DISC1: variants seen among roughly 807,000 people sequenced by gnomAD.
DISC1 encodes disrupted in schizophrenia 1 protein.
DISC1 carries 57 observed loss-of-function variants against 84.5 expected under a neutral mutation model. The ratio of observed to expected loss-of-function variants is 0.67; its 90% CI spans 0.55 to 0.84. DISC1 has a LOEUF of 0.84. Among genes scored for constraint, DISC1 ranks in the 40% least tolerant of loss-of-function variants. The pLI, the probability that DISC1 is intolerant of heterozygous loss-of-function variation, is 0.00. For missense variants in DISC1, 1,000 were observed against 1,057.8 expected, an observed-to-expected ratio of 0.95 and a Z score of 0.76; for synonymous variants, 411 against 415.2, an observed-to-expected ratio of 0.99 and a Z score of 0.12.
chr1:231,886,815 CTTTCTTTCT>C (rs2086782620), intron 9 of DISC1, among the ~76,000 whole-genome samples: 1 of 137,916 alleles, frequency 7.3e-6, no homozygotes, highest in African/African-American at 2.7e-5. Flanking sequence ...TTCTTTCTTT[CTTTCTTTCT>C]TTCTTTCTTT....
In DISC1 at chr1:231,775,123, C is replaced by T. The variant is rs1002615870; in HGVS notation, c.1634+4053C>T. On this transcript the variant is annotated intron_variant, in intron 6 of 12. Transcript: ENST00000439617. ...TTACAAAACCTAGAGAAACAGATCA[C>T]TCAACATCACGACTGTTATCATCAT... is the stretch of plus-strand genomic sequence containing the variant. 2.0e-5 allele frequency among the ~76,000 whole-genome samples: 3 copies of T among 152,192 alleles called. No individual in the cohort carries two copies. In the South Asian group the frequency reaches 6.2e-4, roughly 31 times the overall value.
At chr1:231,774,488 C>T (rs200636268) in intron 6 of DISC1, 1 of 333,008 alleles carries the variant, frequency 3.0e-6, no homozygotes, top group Non-Finnish European at 6.0e-6. Context: ...CACCCTGAGA[C>T]ATCCTCATTA....
In DISC1 at chr1:231,678,897, C is replaced by T. The variant is rs570779033; in HGVS notation, c.68-14929C>T. 2.2e-3 allele frequency among the ~76,000 whole-genome samples: 337 copies of T among 151,958 alleles called. 1 individual carries two copies. The highest frequency in any genetic ancestry group is 3.9e-3 in the Non-Finnish European group (265 of 68,006). On this transcript the variant is annotated intron_variant, in intron 1 of 12. Transcript: ENST00000439617. ...TTCACCGTGTTAGCCAGGATGGTCT[C>T]GATCTCCTGACCTCGTGATCCACCC...
intron 9 of DISC1, among the ~76,000 whole-genome samples, chr1:231,828,700 T>C (rs2082026874): frequency 6.6e-6 from 1 of 152,200 alleles, no homozygotes. Context: ...TTTTGCATTA[T>C]CTTCTGTGCT....
chr1:231,895,341 A>G (rs1020716011), intron 9 of DISC1, among the ~76,000 whole-genome samples: 3 of 151,684 alleles, frequency 2.0e-5, no homozygotes, highest in Admixed American at 6.6e-5. Context: ...TAAATATTTT[A>G]TATGTATACT....
chr1:231,652,169 C>T (rs982584476), intron 1 of DISC1, among the ~76,000 whole-genome samples: 4 of 152,292 alleles, frequency 2.6e-5, no homozygotes, highest in Non-Finnish European at 4.4e-5. Context: ...TCTTCTGCAT[C>T]GATCATGCTG....
chr1:232,015,338 G>C lies in DISC1; in HGVS notation c.2307+6289G>C, dbSNP rs375420418. On this transcript the variant is annotated intron_variant, in intron 11 of 12. Transcript: ENST00000439617. Reference sequence around the variant, plus strand: ...AGCGCTTCTGAGGAAAACAACCTCAGGGCTCTTGGTGACGCCGTTCACCTT... The same window carrying C: ...AGCGCTTCTGAGGAAAACAACCTCACGGCTCTTGGTGACGCCGTTCACCTT... Among the ~76,000 whole-genome samples, 25 of 152,180 alleles carry C rather than the reference G, an allele frequency of 1.6e-4. No individual in the cohort carries two copies. The East Asian group carries it at 2.9e-3, about 18-fold the overall frequency.
At chr1:231,843,992 G>A (rs2083268955) in intron 9 of DISC1, among the ~76,000 whole-genome samples, 1 of 152,170 alleles carries the variant, frequency 6.6e-6, no homozygotes, top group African/African-American at 2.4e-5. Flanking sequence ...ACAAGATGGT[G>A]CAAAGGAGTA....
chr1:232,025,289 C>G (rs148512274), intron 11 of DISC1, among the ~76,000 whole-genome samples: 171 of 152,264 alleles, frequency 1.1e-3, no homozygotes, highest in Middle Eastern at 6.8e-3. Flanking sequence ...GGGGTTAGTC[C>G]TATTGGCAAA....
intron 1 of DISC1, among the ~76,000 whole-genome samples, chr1:231,652,035 T>G (rs1268433415): frequency 4.6e-5 from 7 of 152,240 alleles, no homozygotes; most frequent in African/African-American, 1.7e-4. Context: ...CCCTGACCCC[T>G]TGTGCTTCCT....
intron 11 of DISC1, among the ~76,000 whole-genome samples, chr1:232,017,650 G>A (rs562196554): frequency 5.3e-5 from 8 of 152,176 alleles, no homozygotes; most frequent in South Asian, 4.1e-4. Flanking sequence ...AAAGAGTACC[G>A]TATCCAAGGT....
chr1:231,831,875 C>T (rs1483646614), intron 9 of DISC1, among the ~76,000 whole-genome samples: 2 of 152,146 alleles, frequency 1.3e-5, no homozygotes, highest in South Asian at 4.1e-4. Context: ...GAGTGGTAGC[C>T]TTGATGATAG....
intron 10 of DISC1, among the ~76,000 whole-genome samples, chr1:232,008,318 G>T (rs191354097): frequency 7.2e-5 from 11 of 152,198 alleles, no homozygotes; most frequent in African/African-American, 2.4e-4. Flanking sequence ...GGAAGGCAGG[G>T]AATGTTTCTC....
At chr1:231,692,536 C>G (rs183790908) in intron 1 of DISC1, among the ~76,000 whole-genome samples, 1 of 152,248 alleles carries the variant, frequency 6.6e-6, no homozygotes, top group Non-Finnish European at 1.5e-5. Flanking sequence ...CTAGTGATCT[C>G]GGCTTAACAG....
intron 8 of DISC1, among the ~76,000 whole-genome samples, chr1:231,806,587 G>T (rs566397327): frequency 2.0e-5 from 3 of 152,198 alleles, no homozygotes; most frequent in South Asian, 4.1e-4. Flanking sequence ...CCTGAAGCAG[G>T]TCTGACCTAA....
chr1:231,740,487 A>G (rs553837692), intron 3 of DISC1, among the ~76,000 whole-genome samples: 1 of 152,310 alleles, frequency 6.6e-6, no homozygotes, highest in South Asian at 2.1e-4. Flanking sequence ...GGCATGGAGA[A>G]GAGACAGGGT....
chr1:231,957,121 C>G (rs1391759757), intron 9 of DISC1, among the ~76,000 whole-genome samples: 1 of 152,146 alleles, frequency 6.6e-6, no homozygotes, highest in Non-Finnish European at 1.5e-5. Context: ...TATAGTCTAC[C>G]ACAGTGGCCC....
chr1:231,756,907 C>A (rs1293208240), intron 4 of DISC1, among the ~76,000 whole-genome samples: 1 of 152,142 alleles, frequency 6.6e-6, no homozygotes, highest in African/African-American at 2.4e-5. Context: ...TACCTAGTTG[C>A]TAAAATTTTT....
chr1:232,034,252 A>G (rs985250842), intron 12 of DISC1, among the ~76,000 whole-genome samples: 16 of 152,236 alleles, frequency 1.1e-4, no homozygotes, highest in African/African-American at 3.9e-4. Context: ...TATATTAAGA[A>G]ATAAACCTTA....
Sources: gnomAD v4.1 joint callset for allele counts (sites outside exome capture counted in the v4.1 genomes callset) on GRCh38, gnomAD v4.1.1 for gene constraint, MANE v1.5 for transcripts, NCBI Gene and HGNC (gene_info 2026-07-23, HGNC 2026-07-21) for gene names.